Variants in FOXP2 observed in about 807,000 individuals in gnomAD.
FOXP2 encodes the protein forkhead box P2.
Under a neutral mutation model 115.8 loss-of-function variants are expected in FOXP2, and 12 were observed. The ratio of observed to expected loss-of-function variants is 0.10; its 90% confidence interval spans 0.07 to 0.17. The LOEUF (loss-of-function observed/expected upper bound fraction) is 0.17, where lower values mean the gene tolerates loss of function less well. FOXP2 is among the 10% of genes least tolerant of loss of function. The pLI is 1.00. For synonymous variants in FOXP2, 328 were observed against 297.7 expected (o/e 1.10, Z -1.05); for missense variants, 629 against 843.5 (o/e 0.75, Z 3.15).
intron 2 of FOXP2, among the ~76,000 whole-genome samples, chr7:114,437,831 T>C (rs1794424559): frequency 6.6e-6 from 1 of 152,112 alleles, no homozygotes; most frequent in African/African-American, 2.4e-5. Context: ...ACTCAGTCTG[T>C]AGGTCTGCTC....
chr7:114,144,357 G>A (rs1307526685), intron 1 of FOXP2, among the ~76,000 whole-genome samples: 1 of 152,078 alleles, frequency 6.6e-6, no homozygotes, highest in Non-Finnish European at 1.5e-5. Context: ...TGTCTCTAAT[G>A]TAAAGCAGTT....
chr7:114,597,935 A>G (rs1354775002), intron 3 of FOXP2, among the ~76,000 whole-genome samples: 1 of 152,170 alleles, frequency 6.6e-6, no homozygotes, highest in Non-Finnish European at 1.5e-5. Context: ...GAAAGTTTCT[A>G]TCTCAGATAC....
intron 2 of FOXP2, among the ~76,000 whole-genome samples, chr7:114,451,246 A>G (rs1795060426): frequency 6.6e-6 from 1 of 152,012 alleles, no homozygotes; most frequent in African/African-American, 2.4e-5. Context: ...CTCTTGACAC[A>G]TGTATATTTT....
rs1308336055 is a variant in FOXP2 at position 114,692,869 on chromosome 7, A to T, written c.*2943A>T. ...AAACTAATTTTTGATACTTTTCATT[A>T]CTGTGTACTATGTTCATACTTTGAA... On this transcript the variant is annotated 3_prime_UTR_variant, in exon 17 of 17. Coordinates refer to ENST00000350908, the MANE Select transcript of FOXP2 (RefSeq NM_014491.4). 2.2e-6 allele frequency: 1 copy of T among 453,856 alleles called. No individual in the cohort carries two copies. The allele number at this position is 453,856 out of a possible 1,614,324, so 28.1% of individuals were successfully genotyped here.
intron 2 of FOXP2, among the ~76,000 whole-genome samples, chr7:114,385,158 C>G (rs2396727): frequency 0.39 from 58,507 of 151,548 alleles, 12,241 homozygotes; most frequent in African/African-American, 0.52. Context: ...AGCTGTATAC[C>G]TAAATCGGGA....
chr7:114,402,307 A>G (rs1792905431), intron 2 of FOXP2, among the ~76,000 whole-genome samples: 1 of 152,170 alleles, frequency 6.6e-6, no homozygotes, highest in Admixed American at 6.5e-5. Context: ...AGAGGAAGAT[A>G]TAAATTAAAA....
chr7:114,132,641 T>C (rs1584497378), intron 1 of FOXP2, among the ~76,000 whole-genome samples: 1 of 138,606 alleles, frequency 7.2e-6, no homozygotes, highest in East Asian at 2.1e-4. Flanking sequence ...CAATTTTAGA[T>C]GGAATGGCCA....
At chr7:114,297,901 GTATTTT>G (rs1458744199) in intron 2 of FOXP2, among the ~76,000 whole-genome samples, 12 of 152,076 alleles carry the variant, frequency 7.9e-5, no homozygotes, top group South Asian at 4.1e-4. Context: ...AAATAATGCT[GTATTTT>G]TAGTGTTCCA....
Position 114,597,343 on chromosome 7 carries a change from T to G in FOXP2, c.259-31197T>G, listed in dbSNP as rs558884993. On this transcript the variant is annotated intron_variant, in intron 3 of 16. Coordinates refer to ENST00000350908, the MANE Select transcript of FOXP2 (RefSeq NM_014491.4). ...AACTATGCAAGTGTGCCAAATATAA[T>G]TTCACTGAAAGTATTTAAAAATCTC... Among the ~76,000 whole-genome samples, 3 of 152,242 alleles carry G rather than the reference T, an allele frequency of 2.0e-5. No individual in the cohort carries two copies. In the South Asian group the frequency reaches 6.2e-4, roughly 32 times the overall value.
At chr7:114,519,491 A>G (rs1185726751) in intron 2 of FOXP2, among the ~76,000 whole-genome samples, 1 of 152,172 alleles carries the variant, frequency 6.6e-6, no homozygotes, top group South Asian at 2.1e-4. Context: ...TAGAAATCCC[A>G]GGGGACTTCA....
intron 1 of FOXP2, among the ~76,000 whole-genome samples, chr7:114,271,028 C>T (rs1012183153): frequency 6.6e-6 from 1 of 151,882 alleles, no homozygotes; most frequent in African/African-American, 2.4e-5. Flanking sequence ...AAGACCATCT[C>T]TGCTCATTGT....
intron 2 of FOXP2, among the ~76,000 whole-genome samples, chr7:114,351,623 T>A (rs982977049): frequency 9.2e-5 from 14 of 152,108 alleles, no homozygotes; most frequent in Non-Finnish European, 2.1e-4. Flanking sequence ...TAGTTTTCTA[T>A]AGTGTCACAA....
chr7:114,294,947 T>C (rs1796706283), intron 2 of FOXP2, among the ~76,000 whole-genome samples: 1 of 151,974 alleles, frequency 6.6e-6, no homozygotes, highest in Admixed American at 6.6e-5. Context: ...TAAATTCTCA[T>C]TAAACCATAA....
At chr7:114,554,779 A>C (rs778898043) in intron 3 of FOXP2, among the ~76,000 whole-genome samples, 3 of 152,062 alleles carry the variant, frequency 2.0e-5, no homozygotes, top group Non-Finnish European at 4.4e-5. Flanking sequence ...ATTTTTTTTC[A>C]TAGCATCTAG....
chr7:114,457,501 T>C (rs1056826626), intron 2 of FOXP2, among the ~76,000 whole-genome samples: 10 of 152,188 alleles, frequency 6.6e-5, no homozygotes, highest in African/African-American at 2.4e-4. Flanking sequence ...AGTCATATTG[T>C]GAAAAAAATT....
At chr7:114,372,721 G>GT (rs1792043878) in intron 2 of FOXP2, among the ~76,000 whole-genome samples, 4 of 150,840 alleles carry the variant, frequency 2.7e-5, no homozygotes, top group African/African-American at 9.8e-5. Flanking sequence ...GTTTTTTTTT[G>GT]GTTTTTTTGT....
At chr7:114,302,669 C>T (rs1796906051) in intron 2 of FOXP2, among the ~76,000 whole-genome samples, 2 of 152,212 alleles carry the variant, frequency 1.3e-5, no homozygotes, top group Admixed American at 6.5e-5. Context: ...GAGGGCAGAA[C>T]CTATGACTTG....
At chr7:114,431,941 C>A (rs1258102592) in intron 2 of FOXP2, among the ~76,000 whole-genome samples, 1 of 151,866 alleles carries the variant, frequency 6.6e-6, no homozygotes, top group Non-Finnish European at 1.5e-5. Flanking sequence ...GGAAAGAAGT[C>A]TGACTGTACA....
Position 114,662,162 on chromosome 7 carries a change from A to G in FOXP2, c.1745A>G (p.Lys582Arg). 6.2e-7 allele frequency: 1 copy of G among 1,612,848 alleles called. No homozygotes were observed. The highest frequency in any genetic ancestry group is 8.5e-7 in the Non-Finnish European group (1 of 1,179,112). ...ACTGTGGATGAAGTAGAATACCAGA[A>G]GCGAAGGTCACAAAAGATAACAGGG... ...VWTVDEVEYQ[K>R]RRSQKITGSP... is the part of the protein sequence containing the mutation. The change falls in exon 14 of 17, where the codon AAG becomes AGG. Residue 582 changes from lysine (K) to arginine (R), a missense_variant. Coordinates refer to ENST00000350908, the MANE Select transcript of FOXP2 (RefSeq NM_014491.4).
Sources: allele counts gnomAD v4.1 joint callset (sites outside exome capture counted in the v4.1 genomes callset), GRCh38; gene constraint gnomAD v4.1.1; transcripts MANE v1.5; gene names NCBI Gene and HGNC (gene_info 2026-07-23, HGNC 2026-07-21).